The following VWC2 variants were observed in gnomAD, a reference collection of about 807,000 sequenced individuals.
VWC2 encodes von Willebrand factor C domain containing 2.
VWC2 carries 14 observed loss-of-function variants against 29.8 expected under a neutral mutation model. That is an observed-to-expected ratio of 0.47 (90% CI 0.31 to 0.74). The LOEUF (loss-of-function observed/expected upper bound fraction) is 0.74, where lower values mean the gene tolerates loss of function less well. Ranked by LOEUF, VWC2 falls within the 30% of genes least tolerant of loss-of-function variation. VWC2 has a pLI of 0.05. For missense variants in VWC2, 457 were observed against 459.8 expected, an observed-to-expected ratio of 0.99 and a Z score of 0.05; for synonymous variants, 213 against 199.0, an observed-to-expected ratio of 1.07 and a Z score of -0.59.
rs1790844375 is a variant in VWC2 at position 49,865,486 on chromosome 7, CTGA to C, written c.827-46546_827-46544del. On this transcript the variant is annotated intron_variant, in intron 3 of 3. Coordinates refer to ENST00000340652, the MANE Select transcript of VWC2 (RefSeq NM_198570.5). ...ATTTAGTTCTTGCTTTTGTAAGTGG[CTGA>C]TATGTCTGGGCTGGTGTGGTCTCTG... Among the ~76,000 whole-genome samples, 3 of 152,308 alleles carry C rather than the reference CTGA, an allele frequency of 2.0e-5. No homozygotes were observed. The South Asian group carries it at 6.2e-4, about 32-fold the overall frequency.
chr7:49,791,921 ATTATGTAG>A (rs1788469159), intron 2 of VWC2, among the ~76,000 whole-genome samples: 1 of 152,236 alleles, frequency 6.6e-6, no homozygotes, highest in Non-Finnish European at 1.5e-5. Flanking sequence ...AAGCACAGCA[ATTATGTAG>A]TTACTTGTTC....
chr7:49,803,773 T>C (rs1788804259), intron 3 of VWC2, among the ~76,000 whole-genome samples: 1 of 152,162 alleles, frequency 6.6e-6, no homozygotes, highest in South Asian at 2.1e-4. Context: ...GGGGTGGTCA[T>C]GGTGCTCAGA....
intron 1 of VWC2, 23 bp from the exon 2 acceptor site, chr7:49,775,310 T>G (rs2128700239): frequency 3.5e-4 from 169 of 480,166 alleles, no homozygotes; most frequent in Non-Finnish European, 3.8e-4. Flanking sequence ...CGGGGCTCAG[T>G]TGTGCTGCTG....
chr7:49,787,061 C>T (rs1334363710), intron 2 of VWC2, among the ~76,000 whole-genome samples: 1 of 152,106 alleles, frequency 6.6e-6, no homozygotes, highest in Non-Finnish European at 1.5e-5. Flanking sequence ...AGAGGCATCC[C>T]CAGCTGGTCA....
chr7:49,909,256 G>A (rs547517988), intron 3 of VWC2, among the ~76,000 whole-genome samples: 1 of 152,284 alleles, frequency 6.6e-6, no homozygotes, highest in South Asian at 2.1e-4. Flanking sequence ...TGCAAAGCAC[G>A]ATGACAGATA....
intron 3 of VWC2, among the ~76,000 whole-genome samples, chr7:49,806,390 G>T (rs1302661351): frequency 6.6e-6 from 1 of 152,192 alleles, no homozygotes. Context: ...GTGGAATATG[G>T]TATCCAAGGG....
At chr7:49,875,218 A>C (rs1791350125) in intron 3 of VWC2, among the ~76,000 whole-genome samples, 1 of 151,506 alleles carries the variant, frequency 6.6e-6, no homozygotes, top group Non-Finnish European at 1.5e-5. Flanking sequence ...AAAAATACAA[A>C]AATTAGCTGG....
chr7:49,863,372 C>T lies in VWC2; in HGVS notation c.827-48662C>T, dbSNP rs141727028. ...TTCGCCACTCCAGCTAAAGATTTGT[C>T]AGTTTTGTTGATCTTTACAAAGCAC... On this transcript the variant is annotated intron_variant, in intron 3 of 3. Coordinates refer to ENST00000340652, the MANE Select transcript of VWC2 (RefSeq NM_198570.5). Among the ~76,000 whole-genome samples, 236 of 152,282 alleles carry T rather than the reference C, an allele frequency of 1.5e-3. 3 individuals are homozygous for T. Among genetic ancestry groups the T allele is most frequent in the African/African-American group, 5.4e-3 (226 of 41,558 alleles).
chr7:49,801,088 CTG>C (rs750540131), intron 2 of VWC2, among the ~76,000 whole-genome samples: 57 of 152,290 alleles, frequency 3.7e-4, no homozygotes, highest in Admixed American at 1.6e-3. Flanking sequence ...GGCAGGTTGA[CTG>C]TGGTCTAGTG....
chr7:49,837,864 G>T (rs1789699721), intron 3 of VWC2, among the ~76,000 whole-genome samples: 1 of 152,130 alleles, frequency 6.6e-6, no homozygotes, highest in Non-Finnish European at 1.5e-5. Flanking sequence ...TTCTTATTTT[G>T]AGACCTGAGA....
At chr7:49,867,124 G>A (rs1442183827) in intron 3 of VWC2, among the ~76,000 whole-genome samples, 1 of 152,138 alleles carries the variant, frequency 6.6e-6, no homozygotes, top group African/African-American at 2.4e-5. Context: ...GCTATGTGGG[G>A]AGCCTCTCGA....
chr7:49,834,570 G>A (rs1056759395), intron 3 of VWC2, among the ~76,000 whole-genome samples: 1 of 152,186 alleles, frequency 6.6e-6, no homozygotes, highest in Non-Finnish European at 1.5e-5. Context: ...TTCTGGTCAC[G>A]TGGCAGATGG....
intron 2 of VWC2, among the ~76,000 whole-genome samples, chr7:49,802,100 G>A (rs1331541197): frequency 2.0e-5 from 3 of 151,236 alleles, no homozygotes; most frequent in Non-Finnish European, 4.4e-5. Context: ...TTAAAGAGAT[G>A]AAAAACATTT....
chr7:49,822,533 A>G (rs1562718794), intron 3 of VWC2, among the ~76,000 whole-genome samples: 1 of 152,076 alleles, frequency 6.6e-6, no homozygotes, highest in Non-Finnish European at 1.5e-5. Flanking sequence ...TCCAGGATTC[A>G]AGCGATTTGA....
At position 49,913,369 on chromosome 7, in the gene VWC2, T is replaced by C. The variant is rs1461412148; in HGVS notation, c.*1184T>C. On this transcript the variant is annotated 3_prime_UTR_variant, in exon 4 of 4. Coordinates refer to ENST00000340652, the MANE Select transcript of VWC2 (RefSeq NM_198570.5). Reference sequence around the variant, plus strand: ...TGCAAAGTCCTGCTAATCTAATTAATGCATAATAGAAAATAGTTCTACCTT... The same window carrying C: ...TGCAAAGTCCTGCTAATCTAATTAACGCATAATAGAAAATAGTTCTACCTT... 6.6e-6 allele frequency: 1 copy of C among 152,180 alleles called. No homozygotes were observed. Among genetic ancestry groups the C allele is most frequent in the Non-Finnish European group, 1.5e-5 (1 of 68,030 alleles). 9.4% of individuals were successfully genotyped at this position (152,180 alleles called of 1,614,324 possible).
At chr7:49,774,442 C>G (rs1451616287) in intron 1 of VWC2, among the ~76,000 whole-genome samples, 3 of 152,218 alleles carry the variant, frequency 2.0e-5, no homozygotes, top group Non-Finnish European at 2.9e-5. Flanking sequence ...TCGGGCTCTC[C>G]CAGCCCCTTT....
At chr7:49,787,705 G>A (rs1305938421) in intron 2 of VWC2, among the ~76,000 whole-genome samples, 1 of 152,212 alleles carries the variant, frequency 6.6e-6, no homozygotes, top group African/African-American at 2.4e-5. Flanking sequence ...AAAGAATATG[G>A]CTTTTGACAA....
At chr7:49,853,962 G>T (rs1392814338) in intron 3 of VWC2, among the ~76,000 whole-genome samples, 1 of 150,986 alleles carries the variant, frequency 6.6e-6, no homozygotes, top group Non-Finnish European at 1.5e-5. Flanking sequence ...AGAACATGCG[G>T]TGTTTGGTTT....
intron 3 of VWC2, among the ~76,000 whole-genome samples, chr7:49,830,430 A>G (rs690874): frequency 0.91 from 137,744 of 152,140 alleles, 62,503 homozygotes; most frequent in East Asian, 0.94. Context: ...TCGTTAATTC[A>G]CCTTGTATTA....
Sources: allele counts gnomAD v4.1 joint callset (sites outside exome capture counted in the v4.1 genomes callset), GRCh38; gene constraint gnomAD v4.1.1; transcripts MANE v1.5; gene names NCBI Gene and HGNC (gene_info 2026-07-23, HGNC 2026-07-21).